HADHA: variants seen among roughly 807,000 people sequenced by gnomAD.
The protein encoded by HADHA is hydroxyacyl-CoA dehydrogenase trifunctional multienzyme complex subunit alpha, also known as trifunctional enzyme subunit alpha, mitochondrial.
A neutral mutation model predicts 91.3 loss-of-function variants in HADHA; 59 were observed. That is an observed-to-expected ratio of 0.65 (90% CI 0.52 to 0.80). HADHA has a LOEUF of 0.80. Among genes scored for constraint, HADHA ranks in the 30% least tolerant of loss-of-function variants. HADHA has a pLI of 0.00. For missense variants in HADHA, 800 were observed against 927.6 expected (o/e 0.86, Z 1.79); for synonymous variants, 320 against 338.9 (o/e 0.94, Z 0.61).
Position 26,191,228 on chromosome 2 carries a change from C to T in HADHA, c.*22G>A, listed in dbSNP as rs751349213. The T allele has an allele frequency of 9.9e-6, 16 of 1,610,566 alleles. No homozygotes were observed. The highest frequency in any genetic ancestry group is 4.4e-4 in the Middle Eastern group (2 of 4,520). On this transcript the variant is annotated 3_prime_UTR_variant, in exon 20 of 20. Coordinates refer to ENST00000380649, the MANE Select transcript of HADHA (RefSeq NM_000182.5). ...CCGGCAGCTGGGGTTAGTGCACTGA[C>T]TGAGCGAGGCATGAGGCCTGCTCAC...
intron 7 of HADHA, 49 bp from the exon 8 acceptor site, chr2:26,215,224 C>T: frequency 1.3e-6 from 2 of 1,593,820 alleles, no homozygotes; most frequent in Non-Finnish European, 1.7e-6. Flanking sequence ...TTAGACCAGT[C>T]CCAGGTAGTG....
At chr2:26,242,404 T>C (rs1012262995) in intron 1 of HADHA, among the ~76,000 whole-genome samples, 1 of 152,242 alleles carries the variant, frequency 6.6e-6, no homozygotes, top group African/African-American at 2.4e-5. Flanking sequence ...ACTTTCTTAC[T>C]GGTGAAAACA....
intron 6 of HADHA, among the ~76,000 whole-genome samples, chr2:26,231,209 C>CATT (rs960548660): frequency 1.3e-5 from 2 of 152,116 alleles, no homozygotes; most frequent in African/African-American, 4.8e-5. Context: ...AAGGAAAGCA[C>CATT]ATTATTATTA....
At chr2:26,192,150 G>T (rs1459335651) in intron 18 of HADHA, among the ~76,000 whole-genome samples, 160 bp downstream of exon 18, 1 of 151,896 alleles carries the variant, frequency 6.6e-6, no homozygotes, top group Non-Finnish European at 1.5e-5. Flanking sequence ...AAAGAAAATG[G>T]AAGACAGCAC....
intron 16 of HADHA, 143 bp downstream of exon 16, chr2:26,194,425 CAG>C (rs1395746424): frequency 2.0e-5 from 14 of 713,248 alleles, no homozygotes; most frequent in African/African-American, 6.9e-5. Flanking sequence ...GACTGCTGTG[CAG>C]AGAGAGGGCA....
chr2:26,237,813 T>C (rs1254859308), intron 3 of HADHA, among the ~76,000 whole-genome samples: 1 of 152,244 alleles, frequency 6.6e-6, no homozygotes, highest in Non-Finnish European at 1.5e-5. Context: ...CATTGACATA[T>C]ATTACTTTTG....
chr2:26,211,065 A>G (rs1461900598), intron 10 of HADHA, among the ~76,000 whole-genome samples: 1 of 152,232 alleles, frequency 6.6e-6, no homozygotes, highest in Non-Finnish European at 1.5e-5. Flanking sequence ...GTTTTATCTA[A>G]TAAACCAGTG....
chr2:26,223,821 A>G (rs1172982096), intron 7 of HADHA, among the ~76,000 whole-genome samples: 2 of 152,090 alleles, frequency 1.3e-5, no homozygotes, highest in African/African-American at 4.8e-5. Context: ...ATCTCGGCTC[A>G]CTGCAACCTC....
At chr2:26,215,216 A>T in intron 7 of HADHA, 41 bp from the exon 8 acceptor site, 3 of 1,604,466 alleles carry the variant, frequency 1.9e-6, no homozygotes, top group Non-Finnish European at 2.6e-6. Context: ...AATCAGGCTT[A>T]GACCAGTCCC....
At position 26,209,834 on chromosome 2, in the gene HADHA, T is replaced by A. The variant is rs758013500; in HGVS notation, c.1031A>T (p.His344Leu). 1 of 1,608,556 alleles carries A rather than the reference T, an allele frequency of 6.2e-7. No homozygotes were observed. The highest frequency in any genetic ancestry group is 8.5e-7 in the Non-Finnish European group (1 of 1,174,966). The change falls in exon 11 of 20, where the codon CAT (histidine) becomes CTT (leucine). Residue 344 changes from histidine to leucine, a missense_variant. Coordinates refer to ENST00000380649, the MANE Select transcript of HADHA (RefSeq NM_000182.5). ...KESKALMGLYHGQVLCKKNKF... is the reference protein window; with the variant it reads ...KESKALMGLYLGQVLCKKNKF... The stretch of plus-strand genomic sequence containing the variant: ...ATTCTTCTTGCACAGGACCTGACCA[T>A]GGTAGAGTCCCATCAAGGCCTTTGA...
intron 13 of HADHA, among the ~76,000 whole-genome samples, 200 bp downstream of exon 13, chr2:26,200,949 G>A (rs561045211): frequency 6.6e-6 from 1 of 152,054 alleles, no homozygotes; most frequent in South Asian, 2.1e-4. Context: ...GGCCAGTCTG[G>A]TCTCGAACTC....
chr2:26,197,824 T>TTA, intron 13 of HADHA, 47 bp from the exon 14 acceptor site: 2 of 942,684 alleles, frequency 2.1e-6, no homozygotes, highest in Non-Finnish European at 3.5e-6. Context: ...GCCTGGGAGA[T>TTA]GATTAGAGGC....
intron 13 of HADHA, among the ~76,000 whole-genome samples, chr2:26,198,417 C>T (rs1669739500): frequency 6.6e-6 from 1 of 150,874 alleles, no homozygotes; most frequent in Non-Finnish European, 1.5e-5. Flanking sequence ...GCTCTGTTGC[C>T]CAGGCTGGAG....
chr2:26,190,877 C>G lies in HADHA; in HGVS notation c.*373G>C. The G allele has an allele frequency of 3.0e-6, 1 of 335,854 alleles. No individual in the cohort carries two copies. The allele number at this position is 335,854 out of a possible 1,614,324, so 20.8% of individuals were successfully genotyped here. Reference sequence around the variant, plus strand: ...AACCAGAAGGGCAAAGATGCTGACACAGAGTTTGGTTTTTATTGTTATGTG... The same window carrying G: ...AACCAGAAGGGCAAAGATGCTGACAGAGAGTTTGGTTTTTATTGTTATGTG... On this transcript the variant is annotated 3_prime_UTR_variant, in exon 20 of 20. Coordinates refer to ENST00000380649, the MANE Select transcript of HADHA (RefSeq NM_000182.5).
intron 12 of HADHA, among the ~76,000 whole-genome samples, chr2:26,201,952 G>A (rs913568254): frequency 3.7e-5 from 5 of 134,932 alleles, no homozygotes; most frequent in African/African-American, 8.7e-5. Flanking sequence ...CCACCACCAC[G>A]CCTGGCTAAT....
chr2:26,228,877 G>C (rs1670545256), intron 7 of HADHA, among the ~76,000 whole-genome samples: 1 of 151,906 alleles, frequency 6.6e-6, no homozygotes, highest in South Asian at 2.1e-4. Context: ...ATAGGATCTT[G>C]CTCTGTTGTC....
intron 10 of HADHA, 40 bp from the exon 11 acceptor site, chr2:26,209,929 A>G (rs780409509): frequency 9.7e-7 from 1 of 1,027,798 alleles, no homozygotes; most frequent in Non-Finnish European, 1.6e-6. Flanking sequence ...AGAACTTCAC[A>G]GTCTAGGTTA....
At position 26,232,208 on chromosome 2, in the gene HADHA, C is replaced by T; in HGVS notation, c.525G>A (p.Leu175=). 6.2e-7 allele frequency: 1 copy of T among 1,608,782 alleles called. No individual in the cohort carries two copies. The highest frequency in any genetic ancestry group is 8.5e-7 in the Non-Finnish European group (1 of 1,175,196). The change falls in exon 6 of 20, where the codon TTG becomes TTA. Residue 175 remains leucine (L), a synonymous_variant. Transcript: ENST00000380649. Reference sequence around the variant, plus strand: ...CTCCTGCTCCTGGTAAGGCCCCCAGCAAAACTTCAGGGGTACCTAATACTG... The same window carrying T: ...CTCCTGCTCCTGGTAAGGCCCCCAGTAAAACTTCAGGGGTACCTAATACTG... The part of the protein sequence containing the change: ...RKTVLGTPEV[L]LGALPGAGGT...
intron 3 of HADHA, among the ~76,000 whole-genome samples, chr2:26,238,613 T>C (rs1000304056): frequency 1.4e-4 from 21 of 152,198 alleles, no homozygotes; most frequent in African/African-American, 5.1e-4. Flanking sequence ...ATATTTAAGA[T>C]GGGTAGGCAA....
Sources: gnomAD v4.1 joint callset for allele counts (sites outside exome capture counted in the v4.1 genomes callset) on GRCh38, gnomAD v4.1.1 for gene constraint, MANE v1.5 for transcripts, NCBI Gene and HGNC (gene_info 2026-07-23, HGNC 2026-07-21) for gene names.